WNT8B: variants seen among roughly 807,000 people sequenced by gnomAD.
The protein encoded by WNT8B is protein Wnt-8b.
A neutral mutation model predicts 36.6 loss-of-function variants in WNT8B; 24 were observed. The ratio of observed to expected loss-of-function variants is 0.66; its 90% CI spans 0.48 to 0.92. The LOEUF is 0.92. Ranked by LOEUF, WNT8B falls within the 40% of genes least tolerant of loss-of-function variation. The pLI, the probability that WNT8B is intolerant of heterozygous loss-of-function variation, is 0.00. For missense variants in WNT8B, 402 were observed against 470.8 expected (o/e 0.85, Z 1.35); for synonymous variants, 199 against 189.8 (o/e 1.05, Z -0.40).
In WNT8B at chr10:100,463,241, G is replaced by C. The variant is rs762547067; in HGVS notation, c.68+5G>C. On this transcript the variant is annotated splice_donor_5th_base_variant and intron_variant, in intron 1 of 5. Transcript: ENST00000343737. ...CCTCCAACTCAGCCACAGCTGGTAA[G>C]TAACCTGGACTCTTACCTGGAGCTG... The C allele has an allele frequency of 4.3e-6, 7 of 1,613,486 alleles. No individual in the cohort carries two copies. Among genetic ancestry groups the C allele is most frequent in the Non-Finnish European group, 5.9e-6 (7 of 1,179,502 alleles).
chr10:100,482,728 A>G lies in WNT8B; in HGVS notation c.968A>G (p.Gln323Arg), dbSNP rs770069354. 4 of 1,607,138 alleles carry G rather than the reference A, an allele frequency of 2.5e-6. No individual in the cohort carries two copies. The highest frequency in any genetic ancestry group is 1.1e-5 in the South Asian group (1 of 90,674). Residue 323 changes from glutamine (Q) to arginine (R), a missense_variant, in exon 6 of 6, where the codon CAG (glutamine) becomes CGG (arginine). Around this residue, in one of 3 missense-constraint regions of WNT8B, gnomAD observed 256 missense variants for 278.6 expected, o/e 0.92. Transcript: ENST00000343737. The surrounding 1 kb of genome is among the most constrained non-coding windows in gnomAD (Gnocchi z 6.6). ...FHWCCAVRCE[Q>R]CRRRVTKYFC... is the part of the protein sequence containing the mutation. Reference sequence around the variant, plus strand: ...TGGTGCTGCGCAGTCCGCTGCGAGCAGTGCCGCCGGAGGGTCACCAAGTAC... The same window carrying G: ...TGGTGCTGCGCAGTCCGCTGCGAGCGGTGCCGCCGGAGGGTCACCAAGTAC...
intron 4 of WNT8B, among the ~76,000 whole-genome samples, chr10:100,481,340 TATAAAA>T (rs1851108322): frequency 6.6e-6 from 1 of 152,152 alleles, no homozygotes; most frequent in African/African-American, 2.4e-5. Flanking sequence ...TTAATTTAAA[TATAAAA>T]ATAAAGAAAC....
Position 100,482,816 on chromosome 10 carries a change from A to G in WNT8B, c.1056A>G (p.Ter352=). The change falls in exon 6 of 6, where the codon TAA becomes TAG. Residue 352 remains the stop codon, a stop_retained_variant. Coordinates refer to ENST00000343737, the MANE Select transcript of WNT8B (RefSeq NM_003393.4). The surrounding 1 kb of genome is among the most constrained non-coding windows in gnomAD (Gnocchi z 6.6). Reference sequence around the variant, plus strand: ...CGCACAAACCCGGGAGAAAACCCTAAGGGTTTCCTCTGCCCCCTCCTTTTC... The same window carrying G: ...CGCACAAACCCGGGAGAAAACCCTAGGGGTTTCCTCTGCCCCCTCCTTTTC... The part of the protein sequence containing the change: ...GAAHKPGRKP[*] 1 of 1,544,794 alleles carries G rather than the reference A, an allele frequency of 6.5e-7. No individual in the cohort carries two copies. Among genetic ancestry groups the G allele is most frequent in the Non-Finnish European group, 8.7e-7 (1 of 1,143,822 alleles).
intron 1 of WNT8B, among the ~76,000 whole-genome samples, chr10:100,469,456 C>T (rs1850949823): frequency 6.6e-6 from 1 of 152,202 alleles, no homozygotes; most frequent in Non-Finnish European, 1.5e-5. Context: ...TAACTTCTAC[C>T]TCCTAATCCC....
In WNT8B at chr10:100,481,096, T is replaced by A; in HGVS notation, c.340T>A (p.Cys114Ser). The A allele has an allele frequency of 6.2e-7, 1 of 1,614,092 alleles. No homozygotes were observed. Among genetic ancestry groups the A allele is most frequent in the African/African-American group, 1.3e-5 (1 of 75,014 alleles). Residue 114 changes from cysteine to serine, a missense_variant, in exon 4 of 6, where the codon TGT becomes AGT. By Grantham distance (112) the Cys-to-Ser change is moderately radical. Transcript: ENST00000343737. The stretch of plus-strand genomic sequence containing the variant: ...CCTTGGAGATTTTGATAACTGTGGC[T>A]GTGATGACTCCCGCAACGGGCAACT... ...CSLGDFDNCG[C>S]DDSRNGQLGG... is the part of the protein sequence containing the mutation.
At position 100,463,082 on chromosome 10, in the gene WNT8B, C is replaced by A; in HGVS notation, c.-87C>A. The A allele has an allele frequency of 1.6e-6, 2 of 1,259,850 alleles. No individual in the cohort carries two copies. Among genetic ancestry groups the A allele is most frequent in the Non-Finnish European group, 2.3e-6 (2 of 872,360 alleles). The allele number at this position is 1,259,850 out of a possible 1,614,324, so 78.0% of individuals were successfully genotyped here. A position where few individuals can be genotyped will look rare whatever the true frequency, so the allele number is the denominator to read the frequency against. On this transcript the variant is annotated 5_prime_UTR_variant, in exon 1 of 6. Transcript: ENST00000343737. Reference sequence around the variant, plus strand: ...AAGTTGGGCTTTGAGAATTCCATCCCACTGGCACTGAGGAGAATATTTCTC... The same window carrying A: ...AAGTTGGGCTTTGAGAATTCCATCCAACTGGCACTGAGGAGAATATTTCTC...
chr10:100,481,237 G>A (rs973378625), intron 4 of WNT8B, 114 bp downstream of exon 4: 21 of 1,402,844 alleles, frequency 1.5e-5, no homozygotes, highest in East Asian at 2.5e-5. Flanking sequence ...AAAATCATGC[G>A]GAAGATGGGT....
At chr10:100,475,067 C>G (rs1000383006) in intron 1 of WNT8B, among the ~76,000 whole-genome samples, 1 of 151,648 alleles carries the variant, frequency 6.6e-6, no homozygotes, top group African/African-American at 2.4e-5. Flanking sequence ...ATGGTGAAAC[C>G]CCATCTCTAC....
chr10:100,467,138 T>A (rs1483206283), intron 1 of WNT8B, among the ~76,000 whole-genome samples: 1 of 152,128 alleles, frequency 6.6e-6, no homozygotes, highest in African/African-American at 2.4e-5. Context: ...GGACAGATGC[T>A]TCAGTCTCAT....
intron 1 of WNT8B, among the ~76,000 whole-genome samples, chr10:100,478,581 GTT>G (rs556313187): frequency 6.9e-6 from 1 of 144,756 alleles, no homozygotes. Context: ...GTGTGTGTGT[GTT>G]TTTTTTTTTT....
intron 3 of WNT8B, 122 bp from the exon 4 acceptor site, chr10:100,480,876 G>C (rs1851101168): frequency 1.8e-6 from 2 of 1,129,160 alleles, no homozygotes; most frequent in Non-Finnish European, 2.5e-6. Flanking sequence ...AATAAAGATG[G>C]GGAAATAGGA....
At chr10:100,477,943 T>A (rs1053616123) in intron 1 of WNT8B, among the ~76,000 whole-genome samples, 6 of 125,468 alleles carry the variant, frequency 4.8e-5, no homozygotes, top group Admixed American at 7.8e-5. Flanking sequence ...TGCCTAGCTA[T>A]TTTTTTTTTT....
In WNT8B at chr10:100,483,327, C is replaced by T. The variant is rs577035992; in HGVS notation, c.*511C>T. ...TTGAATGCTTTCTCTCCTCTTCTCC[C>T]TTTCCTTTCCCAGAAAAACTGAGGA... On this transcript the variant is annotated 3_prime_UTR_variant, in exon 6 of 6. Coordinates refer to ENST00000343737, the MANE Select transcript of WNT8B (RefSeq NM_003393.4). 5 of 153,058 alleles carry T rather than the reference C, an allele frequency of 3.3e-5. No homozygotes were observed. Among genetic ancestry groups the T allele is most frequent in the East Asian group, 1.9e-4 (1 of 5,198 alleles). 9.5% of individuals were successfully genotyped at this position (153,058 alleles called of 1,614,324 possible).
At position 100,482,208 on chromosome 10, in the gene WNT8B, CA is replaced by C. The variant is rs1326684230; in HGVS notation, c.511-62del. ...CTAACTAGACTTCTCGCAACTCCCA[CA>C]GGGGCAGTTAAACTCGCCACGCGCT... On this transcript the variant is annotated intron_variant, in intron 5 of 5. Coordinates refer to ENST00000343737, the MANE Select transcript of WNT8B (RefSeq NM_003393.4). The surrounding 1 kb of genome is among the most constrained non-coding windows in gnomAD (Gnocchi z 6.6). The C allele has an allele frequency of 5.3e-5, 81 of 1,536,704 alleles. No individual in the cohort carries two copies. The highest frequency in any genetic ancestry group is 6.1e-6 in the Non-Finnish European group (7 of 1,145,064).
At position 100,482,927 on chromosome 10, in the gene WNT8B, TG is replaced by T; in HGVS notation, c.*112del. On this transcript the variant is annotated 3_prime_UTR_variant, in exon 6 of 6. Coordinates refer to ENST00000343737, the MANE Select transcript of WNT8B (RefSeq NM_003393.4). The surrounding 1 kb of genome is among the most constrained non-coding windows in gnomAD (Gnocchi z 6.6). ...CCCGCTCTCCCAGACCTAGGGATCCTGAGAGGGAGAGACTGCAATTTCTCCA... is the reference window on the plus strand; with the variant it reads ...CCCGCTCTCCCAGACCTAGGGATCCTAGAGGGAGAGACTGCAATTTCTCCA... 8.1e-7 allele frequency: 1 copy of T among 1,236,314 alleles called. No individual in the cohort carries two copies. Among genetic ancestry groups the T allele is most frequent in the Non-Finnish European group, 1.1e-6 (1 of 922,310 alleles). 76.6% of individuals were successfully genotyped at this position (1,236,314 alleles called of 1,614,324 possible).
chr10:100,482,394 T>G lies in WNT8B; in HGVS notation c.634T>G (p.Tyr212Asp). ...REVGAHLKEKYHAALKVDLLQ... is the reference protein window; with the variant it reads ...REVGAHLKEKDHAALKVDLLQ... The stretch of plus-strand genomic sequence containing the variant: ...GGTGGGCGCGCACCTGAAGGAGAAG[T>G]ACCACGCAGCACTCAAGGTGGACCT... The change falls in exon 6 of 6, where the codon TAC becomes GAC. Residue 212 changes from tyrosine (Y) to aspartate (D), a missense_variant. Physicochemically the swap from Tyr to Asp is radical, Grantham distance 160. This residue lies in a region of WNT8B where 256 missense variants were observed against 278.6 expected (regional missense o/e 0.92). Transcript: ENST00000343737. This position sits in a 1 kb window ranked among gnomAD's most constrained non-coding sequence, Gnocchi z 6.6. The G allele has an allele frequency of 6.2e-7, 1 of 1,607,190 alleles. No homozygotes were observed. Among genetic ancestry groups the G allele is most frequent in the Non-Finnish European group, 8.5e-7 (1 of 1,179,964 alleles).
chr10:100,472,301 G>A (rs1186279628), intron 1 of WNT8B, among the ~76,000 whole-genome samples: 4 of 151,436 alleles, frequency 2.6e-5, no homozygotes, highest in Admixed American at 6.6e-5. Flanking sequence ...TAGTAGCGAC[G>A]GGGTTTCACC....
At chr10:100,464,362 T>TA (rs1174943764) in intron 1 of WNT8B, among the ~76,000 whole-genome samples, 3 of 151,764 alleles carry the variant, frequency 2.0e-5, no homozygotes, top group African/African-American at 4.8e-5. Flanking sequence ...ATTTCAATGT[T>TA]AAAAAAAAGG....
At chr10:100,479,270 C>T (rs1003799495) in intron 2 of WNT8B, among the ~76,000 whole-genome samples, 185 bp downstream of exon 2, 4 of 152,152 alleles carry the variant, frequency 2.6e-5, no homozygotes, top group Admixed American at 1.3e-4. Flanking sequence ...CCACTGTCAG[C>T]GCCAAGATAA....
Sources: allele counts gnomAD v4.1 joint callset (sites outside exome capture counted in the v4.1 genomes callset), GRCh38; gene constraint gnomAD v4.1.1; regional missense constraint gnomAD v4.1.1; non-coding constraint Gnocchi (gnomAD v3.1); transcripts MANE v1.5; gene names NCBI Gene and HGNC (gene_info 2026-07-23, HGNC 2026-07-21).